Variants in ADAMTS6 observed in about 807,000 individuals in gnomAD.
ADAMTS6 encodes the protein A disintegrin and metalloproteinase with thrombospondin motifs 6.
In ADAMTS6, 23 loss-of-function variants were observed where a neutral mutation model predicts 144.3. The observed-to-expected ratio is 0.16, with a 90% CI of 0.11 to 0.23. The LOEUF is 0.23. Ranked by LOEUF, ADAMTS6 falls within the 10% of genes least tolerant of loss-of-function variation. The pLI is 1.00. For missense variants in ADAMTS6, 999 were observed against 1,379.6 expected (o/e 0.72, Z 4.37); for synonymous variants, 444 against 457.5 (o/e 0.97, Z 0.38).
chr5:65,455,267 G>C (rs1163932339), intron 4 of ADAMTS6, among the ~76,000 whole-genome samples: 3 of 152,232 alleles, frequency 2.0e-5, no homozygotes, highest in Non-Finnish European at 2.9e-5. Context: ...TTCAGGTCGA[G>C]TGTGATGGCT....
chr5:65,479,965 AACGATC>A (rs978216050), intron 1 of ADAMTS6, among the ~76,000 whole-genome samples: 2 of 152,220 alleles, frequency 1.3e-5, no homozygotes, highest in Non-Finnish European at 2.9e-5. Context: ...TCAAAACACT[AACGATC>A]ACATTTAAGC....
rs542679838 is a variant in ADAMTS6 at position 65,473,891 on chromosome 5, T to C, written c.-218A>G. 1.1e-5 allele frequency: 6 copies of C among 524,710 alleles called. No individual in the cohort carries two copies. The Admixed American group carries it at 1.6e-4, about 14-fold the overall frequency. The allele number at this position is 524,710 out of a possible 1,614,324, so 32.5% of individuals were successfully genotyped here. ...TCCAAAATGAAAAAAATAATGATGGTAAAAGTTTTCATAAGCAAAGCATTA... is the reference window on the plus strand; with the variant it reads ...TCCAAAATGAAAAAAATAATGATGGCAAAAGTTTTCATAAGCAAAGCATTA... On this transcript the variant is annotated 5_prime_UTR_variant, in exon 2 of 25. Transcript: ENST00000381055.
intron 22 of ADAMTS6, among the ~76,000 whole-genome samples, chr5:65,175,706 A>G (rs1287277773): frequency 3.5e-5 from 5 of 140,960 alleles, no homozygotes; most frequent in African/African-American, 1.1e-4. Flanking sequence ...TATCCTAAGG[A>G]AAAAAAAAAA....
At chr5:65,297,893 T>C (rs185067549) in intron 10 of ADAMTS6, among the ~76,000 whole-genome samples, 24 of 152,246 alleles carry the variant, frequency 1.6e-4, no homozygotes, top group Non-Finnish European at 2.1e-4. Context: ...TTGTGAGCAT[T>C]CCCATGAGGA....
intron 7 of ADAMTS6, among the ~76,000 whole-genome samples, chr5:65,394,611 T>C (rs1753191565): frequency 6.6e-6 from 1 of 152,176 alleles, no homozygotes; most frequent in African/African-American, 2.4e-5. Context: ...GGTATGGAAG[T>C]CATGCTGAAT....
At chr5:65,458,382 C>A (rs1254454853) in intron 4 of ADAMTS6, among the ~76,000 whole-genome samples, 1 of 152,148 alleles carries the variant, frequency 6.6e-6, no homozygotes. Flanking sequence ...AAGGATAATA[C>A]ATATCATACA....
chr5:65,161,232 C>CA (rs200485450), intron 24 of ADAMTS6, among the ~76,000 whole-genome samples: 5,447 of 151,404 alleles, frequency 0.036, 144 homozygotes, highest in Middle Eastern at 0.075. Context: ...GAGAAGGTGT[C>CA]TCCCTATGTT....
chr5:65,163,306 G>C (rs1176323857), intron 24 of ADAMTS6, among the ~76,000 whole-genome samples: 1 of 152,018 alleles, frequency 6.6e-6, no homozygotes, highest in South Asian at 2.1e-4. Flanking sequence ...CTCAAGAGAG[G>C]GAAAGCTAGA....
At chr5:65,316,796 G>A (rs1294542795) in intron 9 of ADAMTS6, among the ~76,000 whole-genome samples, 2 of 146,672 alleles carry the variant, frequency 1.4e-5, no homozygotes, top group African/African-American at 4.9e-5. Context: ...TCATCAAGAA[G>A]ACATAATAAT....
At chr5:65,212,466 C>A (rs1260393315) in intron 20 of ADAMTS6, among the ~76,000 whole-genome samples, 2 of 128,224 alleles carry the variant, frequency 1.6e-5, no homozygotes, top group African/African-American at 3.0e-5. Context: ...CACAAGAAAT[C>A]ACTTCTATTT....
At chr5:65,433,137 A>G (rs1364886845) in intron 7 of ADAMTS6, among the ~76,000 whole-genome samples, 1 of 152,168 alleles carries the variant, frequency 6.6e-6, no homozygotes, top group Non-Finnish European at 1.5e-5. Flanking sequence ...GATCCTTGAT[A>G]AAACATCACA....
chr5:65,216,006 G>A (rs1295631553), intron 18 of ADAMTS6, among the ~76,000 whole-genome samples: 1 of 152,106 alleles, frequency 6.6e-6, no homozygotes, highest in Non-Finnish European at 1.5e-5. Context: ...TAAGGCAAAA[G>A]ACTATTCTTT....
intron 7 of ADAMTS6, among the ~76,000 whole-genome samples, chr5:65,367,391 C>T (rs1750404309): frequency 1.3e-5 from 2 of 152,114 alleles, no homozygotes; most frequent in Non-Finnish European, 2.9e-5. Context: ...GGGTAATATT[C>T]CTAAAAAGTA....
intron 20 of ADAMTS6, among the ~76,000 whole-genome samples, chr5:65,211,704 T>G (rs941835692): frequency 6.6e-6 from 1 of 152,182 alleles, no homozygotes; most frequent in African/African-American, 2.4e-5. Flanking sequence ...AAAATGATAC[T>G]GTTTTTCCTT....
rs79867757 is a variant in ADAMTS6 at position 65,231,101 on chromosome 5, T to TA, written c.1934-4883dup. ...AATGAAAAACAAAATGAATTTTTTT[T>TA]AAAAAAAAACAAGACAACTCTATAT... On this transcript the variant is annotated intron_variant, in intron 15 of 24. Coordinates refer to ENST00000381055, the MANE Select transcript of ADAMTS6 (RefSeq NM_197941.4). 4.6e-5 allele frequency among the ~76,000 whole-genome samples: 7 copies of TA among 150,940 alleles called. No individual in the cohort carries two copies. The South Asian group carries it at 6.2e-4, about 13-fold the overall frequency.
intron 7 of ADAMTS6, among the ~76,000 whole-genome samples, chr5:65,336,511 T>TC (rs1322660560): frequency 1.3e-5 from 2 of 152,022 alleles, no homozygotes; most frequent in East Asian, 3.9e-4. Flanking sequence ...AGGTAACACA[T>TC]CTGAGATTTG....
At chr5:65,443,701 A>G (rs1169917965) in intron 7 of ADAMTS6, among the ~76,000 whole-genome samples, 2 of 151,778 alleles carry the variant, frequency 1.3e-5, no homozygotes, top group Middle Eastern at 3.2e-3. Flanking sequence ...CCACTTTAAA[A>G]AAGATAAACT....
intron 7 of ADAMTS6, among the ~76,000 whole-genome samples, chr5:65,348,261 T>C (rs1748531157): frequency 6.6e-6 from 1 of 152,094 alleles, no homozygotes; most frequent in South Asian, 2.1e-4. Flanking sequence ...TCAATCTCTG[T>C]CTATCTACAA....
intron 20 of ADAMTS6, among the ~76,000 whole-genome samples, chr5:65,199,048 T>A (rs1755568924): frequency 6.6e-6 from 1 of 152,126 alleles, no homozygotes; most frequent in Non-Finnish European, 1.5e-5. Flanking sequence ...CAACAGTGGC[T>A]CAGATTATCC....
Sources: allele counts gnomAD v4.1 joint callset (sites outside exome capture counted in the v4.1 genomes callset), GRCh38; gene constraint gnomAD v4.1.1; transcripts MANE v1.5; gene names NCBI Gene and HGNC (gene_info 2026-07-23, HGNC 2026-07-21).